KDM6B: variants seen among roughly 807,000 people sequenced by gnomAD.
KDM6B encodes lysine-specific demethylase 6B.
Under a neutral mutation model 150.4 loss-of-function variants are expected in KDM6B, and 22 were observed. That is an observed-to-expected ratio of 0.15 (90% CI 0.10 to 0.21). The LOEUF is 0.21. Among genes scored for constraint, KDM6B ranks in the 10% least tolerant of loss-of-function variants. The pLI, the probability that KDM6B is intolerant of heterozygous loss-of-function variation, is 1.00. For missense variants in KDM6B, 1,984 were observed against 2,234.3 expected (o/e 0.89, Z 2.26); for synonymous variants, 1,148 against 921.1 (o/e 1.25, Z -4.46).
Position 7,852,988 on chromosome 17 carries a change from A to G in KDM6B, c.4611-12A>G. The G allele has an allele frequency of 6.2e-7, 1 of 1,613,496 alleles. No homozygotes were observed. The highest frequency in any genetic ancestry group is 1.1e-5 in the South Asian group (1 of 90,942). On this transcript the variant is annotated splice_polypyrimidine_tract_variant and intron_variant, in intron 21 of 23. Coordinates refer to ENST00000448097, the MANE Select transcript of KDM6B (RefSeq NM_001348716.2). ...TTGCCGGTGGTCTCAACACAACCCC[A>G]CTGCTCCCCAGGTTCTGCCTGCTGC... is the stretch of plus-strand genomic sequence containing the variant.
rs1055822067 is a variant in KDM6B at position 7,847,734 on chromosome 17, C to G, written c.1446C>G (p.Pro482=). Residue 482 remains proline (P), a synonymous_variant, in exon 12 of 24, where the codon CCC becomes CCG. Transcript: ENST00000448097. The part of the protein sequence containing the change: ...PCPRLLRPPP[P]PAWLKGPACR... ...CCCGCCTCTTACGCCCCCCACCACC[C>G]CCTGCCTGGTTGAAGGGTCCGGCCT... 31 of 1,544,242 alleles carry G rather than the reference C, an allele frequency of 2.0e-5. No homozygotes were observed. Among genetic ancestry groups the G allele is most frequent in the Non-Finnish European group, 2.7e-5 (31 of 1,144,904 alleles).
chr17:7,852,613 C>G lies in KDM6B; in HGVS notation c.4587C>G (p.Asp1529Glu). 1 of 1,614,092 alleles carries G rather than the reference C, an allele frequency of 6.2e-7. No individual in the cohort carries two copies. The highest frequency in any genetic ancestry group is 8.5e-7 in the Non-Finnish European group (1 of 1,180,042). Reference sequence around the variant, plus strand: ...TGGCTCGCACGGTCAAAATCAGCGACCCCGACTTGTTCAAGATGATCAAGT... The same window carrying G: ...TGGCTCGCACGGTCAAAATCAGCGAGCCCGACTTGTTCAAGATGATCAAGT... Reference protein sequence around the residue: ...WNVARTVKISDPDLFKMIKFC... With the variant: ...WNVARTVKISEPDLFKMIKFC... Residue 1529 changes from aspartate to glutamate, a missense_variant, in exon 21 of 24, where the codon GAC becomes GAG. Coordinates refer to ENST00000448097, the MANE Select transcript of KDM6B (RefSeq NM_001348716.2).
intron 2 of KDM6B, among the ~76,000 whole-genome samples, chr17:7,842,871 C>T (rs1239588845): frequency 2.8e-5 from 1 of 35,748 alleles, no homozygotes; most frequent in Non-Finnish European, 5.5e-5. Flanking sequence ...GTACGGGGGG[C>T]GGGGGGGCGA....
Position 7,852,628 on chromosome 17 carries a change from G to C in KDM6B, c.4602G>C (p.Lys1534Asn), listed in dbSNP as rs2078720917. ...AAATCAGCGACCCCGACTTGTTCAA[G>C]ATGATCAAGTGAGGACCCTATTTGG... The part of the protein sequence containing the change: ...TVKISDPDLF[K>N]MIKFCLLQSM... Residue 1534 changes from lysine to asparagine, a missense_variant, in exon 21 of 24, where the codon AAG becomes AAC. Lys to Asn is a moderately conservative substitution (Grantham distance 94). Coordinates refer to ENST00000448097, the MANE Select transcript of KDM6B (RefSeq NM_001348716.2). 1.2e-6 allele frequency: 2 copies of C among 1,613,968 alleles called. No homozygotes were observed. The highest frequency in any genetic ancestry group is 1.7e-6 in the Non-Finnish European group (2 of 1,180,044).
intron 2 of KDM6B, among the ~76,000 whole-genome samples, chr17:7,841,216 A>G (rs1361227252): frequency 6.6e-6 from 1 of 152,200 alleles, no homozygotes; most frequent in Non-Finnish European, 1.5e-5. Flanking sequence ...AATATTCACA[A>G]AATGCTAGCA....
chr17:7,839,376 G>GC (rs1253563303), intron 1 of KDM6B, among the ~76,000 whole-genome samples: 3 of 152,106 alleles, frequency 2.0e-5, no homozygotes, highest in Non-Finnish European at 4.4e-5. Context: ...GGGGAGGATG[G>GC]CCCCTCCCTG....
intron 2 of KDM6B, among the ~76,000 whole-genome samples, chr17:7,841,561 C>T (rs1032486900): frequency 6.6e-6 from 1 of 152,124 alleles, no homozygotes; most frequent in Admixed American, 6.5e-5. Flanking sequence ...GACAGCCCCG[C>T]GGAGTCATGT....
At chr17:7,846,373 C>CGGGCG in intron 7 of KDM6B, 27 bp from the exon 8 acceptor site, 1 of 520,104 alleles carries the variant, frequency 1.9e-6, no homozygotes, top group Non-Finnish European at 3.7e-6. Context: ...TGACATCTGC[C>CGGGCG]CCTGCCCCGT....
At position 7,852,970 on chromosome 17, in the gene KDM6B, T is replaced by C. The variant is rs1022499199; in HGVS notation, c.4611-30T>C. 2.5e-6 allele frequency: 4 copies of C among 1,613,210 alleles called. No homozygotes were observed. The African/African-American group carries it at 5.3e-5, about 22-fold the overall frequency. On this transcript the variant is annotated intron_variant, in intron 21 of 23. Coordinates refer to ENST00000448097, the MANE Select transcript of KDM6B (RefSeq NM_001348716.2). Reference sequence around the variant, plus strand: ...CTGCCTCAGGCCTCCTCCTTGCCGGTGGTCTCAACACAACCCCACTGCTCC... The same window carrying C: ...CTGCCTCAGGCCTCCTCCTTGCCGGCGGTCTCAACACAACCCCACTGCTCC...
At chr17:7,846,364 G>A in intron 7 of KDM6B, 36 bp from the exon 8 acceptor site, 1 of 1,553,000 alleles carries the variant, frequency 6.4e-7, no homozygotes, top group Non-Finnish European at 8.7e-7. Context: ...TGCCCCACCT[G>A]ACATCTGCCC....
In KDM6B at chr17:7,849,238, C is replaced by G; in HGVS notation, c.2950C>G (p.Arg984Gly). Residue 984 changes from arginine (R) to glycine (G), a missense_variant, in exon 12 of 24, where the codon CGG becomes GGG. Transcript: ENST00000448097. ...ACAGAAGGAGCATCAGAAGGAGCAT[C>G]GGCGGCACAGGCGGGCCTGTAAGGA... Reference protein sequence around the residue: ...RRQKEHQKEHRRHRRACKDSV... With the variant: ...RRQKEHQKEHGRHRRACKDSV... The G allele has an allele frequency of 6.3e-7, 1 of 1,575,534 alleles. No individual in the cohort carries two copies. The highest frequency in any genetic ancestry group is 8.6e-7 in the Non-Finnish European group (1 of 1,159,868).
rs1032948740 is a variant in KDM6B at position 7,844,053 on chromosome 17, C to T, written c.-268-848C>T. Reference sequence around the variant, plus strand: ...TCGGGCCCCGCCCTCCTCCCTCCCTCAGGACCCCCCCCCCCGCAGTACATT... The same window carrying T: ...TCGGGCCCCGCCCTCCTCCCTCCCTTAGGACCCCCCCCCCCGCAGTACATT... On this transcript the variant is annotated intron_variant, in intron 2 of 23. Transcript: ENST00000448097. This position sits in a 1 kb window ranked among gnomAD's most constrained non-coding sequence, Gnocchi z 5.9. Among the ~76,000 whole-genome samples the T allele has an allele frequency of 3.7e-5, 5 of 134,672 alleles. No individual in the cohort carries two copies. Among genetic ancestry groups the T allele is most frequent in the African/African-American group, 1.4e-4 (5 of 35,768 alleles). The allele number at this position is 134,672 out of a possible 152,430, so 88.4% of individuals were successfully genotyped here.
rs1308465489 is a variant in KDM6B at position 7,847,987 on chromosome 17, G to A, written c.1699G>A (p.Gly567Arg). 2 of 1,611,630 alleles carry A rather than the reference G, an allele frequency of 1.2e-6. No individual in the cohort carries two copies. The highest frequency in any genetic ancestry group is 2.2e-5 in the South Asian group (2 of 90,990). The change falls in exon 12 of 24, where the codon GGG becomes AGG. Residue 567 changes from glycine to arginine, a missense_variant. Physicochemically the swap from Gly to Arg is moderately radical, Grantham distance 125 (BLOSUM62 -2). Transcript: ENST00000448097. Reference sequence around the variant, plus strand: ...TGGCAGCCACAGCAGCAGCCCTGCTGGGCCTGTGTCCTTTCCCCCACCACC... The same window carrying A: ...TGGCAGCCACAGCAGCAGCCCTGCTAGGCCTGTGTCCTTTCCCCCACCACC... ...NSGSHSSSPA[G>R]PVSFPPPPYL... is the part of the protein sequence containing the mutation.
At chr17:7,846,370 T>TGGCGCG in intron 7 of KDM6B, 30 bp from the exon 8 acceptor site, 1 of 1,501,950 alleles carries the variant, frequency 6.7e-7, no homozygotes, top group Non-Finnish European at 9.1e-7. Context: ...ACCTGACATC[T>TGGCGCG]GCCCCTGCCC....
chr17:7,842,945 G>C (rs941565813), intron 2 of KDM6B, among the ~76,000 whole-genome samples: 6 of 152,140 alleles, frequency 3.9e-5, no homozygotes, highest in South Asian at 2.1e-4. Flanking sequence ...GCGAGAATGA[G>C]TGTGTGTTTA....
chr17:7,848,888 C>T lies in KDM6B; in HGVS notation c.2600C>T (p.Ser867Leu), dbSNP rs200586804. Residue 867 changes from serine to leucine, a missense_variant, in exon 12 of 24, where the codon TCG (serine) becomes TTG (leucine). By Grantham distance (145) the Ser-to-Leu change is moderately radical. Coordinates refer to ENST00000448097, the MANE Select transcript of KDM6B (RefSeq NM_001348716.2). ...GGCTCCCCACAGCCCTCTGCTTCCT[C>T]GTCATCTCAGTTCTCTACCTCAGGC... ...AQGSPQPSASSSSQFSTSGGP... is the reference protein window; with the variant it reads ...AQGSPQPSASLSSQFSTSGGP... 25 of 1,607,724 alleles carry T rather than the reference C, an allele frequency of 1.6e-5. No individual in the cohort carries two copies. The highest frequency in any genetic ancestry group is 8.4e-5 in the Admixed American group (5 of 59,762).
intron 2 of KDM6B, chr17:7,840,744 T>G (rs2151370491): frequency 6.6e-6 from 1 of 152,382 alleles, no homozygotes; most frequent in South Asian, 2.1e-4. Flanking sequence ...CTTCTATGTG[T>G]CTCTCACTAT....
At position 7,848,732 on chromosome 17, in the gene KDM6B, AG is replaced by A; in HGVS notation, c.2445del (p.Lys815AsnfsTer79). On this transcript the variant is annotated frameshift_variant, in exon 12 of 24. Transcript: ENST00000448097. LOFTEE classifies it high-confidence loss of function. ...TTGGCCTCCGTGCTGGAGGGACAAA[AG>A]TACTGTTATCGGGGGACTGGAGCAG... is the stretch of plus-strand genomic sequence containing the variant. ...KSLASVLEGQKYCYRGTGAAV... is the reference protein window; with the variant it reads ...KSLASVLEGQXYCYRGTGAAV... The A allele has an allele frequency of 6.2e-7, 1 of 1,612,742 alleles. No homozygotes were observed. Among genetic ancestry groups the A allele is most frequent in the Non-Finnish European group, 8.5e-7 (1 of 1,179,974 alleles).
intron 1 of KDM6B, among the ~76,000 whole-genome samples, chr17:7,839,566 A>C (rs567016120): frequency 6.6e-6 from 1 of 152,268 alleles, no homozygotes; most frequent in Admixed American, 6.5e-5. Flanking sequence ...GCTAGGACTC[A>C]GGCTGGCTTG....
Sources: allele counts gnomAD v4.1 joint callset (sites outside exome capture counted in the v4.1 genomes callset), GRCh38; gene constraint gnomAD v4.1.1; non-coding constraint Gnocchi (gnomAD v3.1); transcripts MANE v1.5; gene names NCBI Gene and HGNC (gene_info 2026-07-23, HGNC 2026-07-21).